RFPL1: variants seen among roughly 807,000 people sequenced by gnomAD.
RFPL1 encodes ret finger protein like 1.
RFPL1 carries 6 observed loss-of-function variants against 9.6 expected under a neutral mutation model. The ratio of observed to expected loss-of-function variants is 0.62; its 90% CI spans 0.34 to 1.23. The LOEUF (loss-of-function observed/expected upper bound fraction) is 1.23, where lower values mean the gene tolerates loss of function less well. Among genes scored for constraint, RFPL1 ranks in the 50% most tolerant of loss-of-function variants. The pLI, the probability that RFPL1 is intolerant of heterozygous loss-of-function variation, is 0.03. For missense variants in RFPL1, 352 were observed against 398.4 expected, an observed-to-expected ratio of 0.88 and a Z score of 0.99; for synonymous variants, 145 against 149.4, an observed-to-expected ratio of 0.97 and a Z score of 0.22.
chr22:29,418,182 C>T, the RFPL1 span, among the ~76,000 whole-genome samples: 5 of 152,194 alleles, frequency 3.3e-5, no homozygotes, highest in Non-Finnish European at 7.4e-5. Flanking sequence ...CCCTCCTCGG[C>T]CTCCCAAAGT....
chr22:29,424,112 G>A, the RFPL1 span, among the ~76,000 whole-genome samples: 25 of 152,176 alleles, frequency 1.6e-4, no homozygotes, highest in South Asian at 3.9e-3. Context: ...CCCGGGAGAC[G>A]GAGGCTGCAG....
At chr22:29,415,421 G>A in the RFPL1 span, among the ~76,000 whole-genome samples, 10 of 152,206 alleles carry the variant, frequency 6.6e-5, no homozygotes, top group African/African-American at 1.9e-4. Flanking sequence ...CTGATCCTCT[G>A]CGGGGGCCTG....
the RFPL1 span, among the ~76,000 whole-genome samples, chr22:29,394,104 C>T: frequency 1.3e-5 from 2 of 152,306 alleles, no homozygotes; most frequent in South Asian, 2.1e-4. Flanking sequence ...CCCCTGTGCC[C>T]AGCCAGGACA....
chr22:29,436,824 T>C (rs1254552417), upstream of RFPL1: 1 of 152,146 alleles, frequency 6.6e-6, no homozygotes, highest in Non-Finnish European at 1.5e-5. Flanking sequence ...CGACCAAAAT[T>C]AGGTCTTTAT....
the RFPL1 span, among the ~76,000 whole-genome samples, chr22:29,424,509 G>A: frequency 1.3e-5 from 2 of 151,978 alleles, no homozygotes; most frequent in Non-Finnish European, 2.9e-5. Context: ...TGCATAATTT[G>A]CCCAAGGTCA....
the RFPL1 span, among the ~76,000 whole-genome samples, chr22:29,406,146 AT>A: frequency 0.1 from 2,770 of 27,752 alleles, 641 homozygotes; most frequent in Non-Finnish European, 0.12. Flanking sequence ...AAAAAAAAAA[AT>A]AAAAAAAAAG....
the RFPL1 span, among the ~76,000 whole-genome samples, chr22:29,397,332 A>G: frequency 5.9e-5 from 9 of 152,128 alleles, no homozygotes; most frequent in Non-Finnish European, 1.3e-4. Context: ...GGGGGGATAC[A>G]CTGATTCAGG....
At chr22:29,388,992 T>C in the RFPL1 span, among the ~76,000 whole-genome samples, 2 of 152,178 alleles carry the variant, frequency 1.3e-5, no homozygotes, top group African/African-American at 4.8e-5. Context: ...TCCTCTCACC[T>C]CAGCCTCCCA....
At chr22:29,429,400 G>A in the RFPL1 span, among the ~76,000 whole-genome samples, 1 of 151,974 alleles carries the variant, frequency 6.6e-6, no homozygotes, top group Non-Finnish European at 1.5e-5. Context: ...CAAACTGTGA[G>A]CTAGGCTAAC....
At chr22:29,414,502 C>G in the RFPL1 span, among the ~76,000 whole-genome samples, 1 of 152,098 alleles carries the variant, frequency 6.6e-6, no homozygotes, top group South Asian at 2.1e-4. Context: ...CAAGGCTTGG[C>G]TGAGTGGCAA....
At chr22:29,438,065 G>T, upstream of RFPL1, 1 of 205,654 alleles carries the variant, frequency 4.9e-6, no homozygotes, top group South Asian at 7.3e-5. Flanking sequence ...GTAGAGAGGG[G>T]GTCTTCCTGT....
the RFPL1 span, among the ~76,000 whole-genome samples, chr22:29,431,812 T>A: frequency 0.011 from 1,682 of 152,018 alleles, 34 homozygotes; most frequent in African/African-American, 0.039. Flanking sequence ...TGCCTCAGCC[T>A]CCTGAGTAGC....
At chr22:29,439,376 G>C (rs1416890398) in intron 1 of RFPL1, 4 of 720,018 alleles carry the variant, frequency 5.6e-6, no homozygotes, top group African/African-American at 1.8e-5. Context: ...GCTCATGCCT[G>C]TAATGTCAGC....
chr22:29,409,329 G>A, the RFPL1 span, among the ~76,000 whole-genome samples: 1 of 152,088 alleles, frequency 6.6e-6, no homozygotes, highest in Non-Finnish European at 1.5e-5. Flanking sequence ...TGTATTAACC[G>A]GTTCTTAAGG....
upstream of RFPL1, chr22:29,434,889 C>G: frequency 6.6e-6 from 1 of 152,188 alleles, no homozygotes; most frequent in Non-Finnish European, 1.5e-5. Flanking sequence ...GCTGCAGAGC[C>G]ACTGTGCCCA....
chr22:29,423,996 C>T, the RFPL1 span, among the ~76,000 whole-genome samples: 6 of 152,064 alleles, frequency 3.9e-5, no homozygotes, highest in Non-Finnish European at 8.8e-5. Context: ...AGATCGAGAC[C>T]AGATGAAACC....
chr22:29,392,719 A>T, the RFPL1 span, among the ~76,000 whole-genome samples: 94 of 152,292 alleles, frequency 6.2e-4, no homozygotes, highest in African/African-American at 2.2e-3. Context: ...AACAACAGTG[A>T]ATGTTTATGG....
the RFPL1 span, among the ~76,000 whole-genome samples, chr22:29,430,038 A>G: frequency 7.3e-6 from 1 of 137,160 alleles, no homozygotes; most frequent in Non-Finnish European, 1.7e-5. Flanking sequence ...CGTTGGATGT[A>G]TCAGTATACT....
At chr22:29,398,226 G>C in the RFPL1 span, among the ~76,000 whole-genome samples, 1 of 152,182 alleles carries the variant, frequency 6.6e-6, no homozygotes, top group African/African-American at 2.4e-5. Context: ...ATTACCAACA[G>C]TGATCCACTG....
Sources: gnomAD v4.1 joint callset for allele counts (sites outside exome capture counted in the v4.1 genomes callset) on GRCh38, gnomAD v4.1.1 for gene constraint, MANE v1.5 for transcripts, NCBI Gene and HGNC (gene_info 2026-07-23, HGNC 2026-07-21) for gene names.